NEGR1: variants seen among roughly 807,000 people sequenced by gnomAD.
The protein encoded by NEGR1 is neuronal growth regulator 1.
A neutral mutation model predicts 40.9 loss-of-function variants in NEGR1; 10 were observed. The observed-to-expected ratio is 0.24, with a 90% confidence interval of 0.15 to 0.42. The LOEUF is 0.42. NEGR1 is among the 10% of genes least tolerant of loss of function. NEGR1 has a pLI of 1.00. For synonymous variants in NEGR1, 185 were observed against 166.8 expected (o/e 1.11, Z -0.84); for missense variants, 352 against 438.9 (o/e 0.80, Z 1.77).
intron 3 of NEGR1, among the ~76,000 whole-genome samples, chr1:71,705,639 G>A (rs1354510733): frequency 1.3e-5 from 2 of 152,172 alleles, no homozygotes; most frequent in South Asian, 4.1e-4. Context: ...AAAATGGCGC[G>A]AACCCAGGAG....
chr1:71,653,243 T>C (rs536530549), intron 4 of NEGR1, among the ~76,000 whole-genome samples: 4 of 152,382 alleles, frequency 2.6e-5, no homozygotes, highest in Non-Finnish European at 5.9e-5. Context: ...CCTTTTAATC[T>C]ACAGTCTTTA....
chr1:71,728,120 T>C (rs1570266221), intron 3 of NEGR1, among the ~76,000 whole-genome samples: 1 of 152,258 alleles, frequency 6.6e-6, no homozygotes, highest in East Asian at 1.9e-4. Flanking sequence ...GTTTCTAATG[T>C]GAGCAGGCAG....
At chr1:71,685,660 C>T (rs972552955) in intron 4 of NEGR1, among the ~76,000 whole-genome samples, 3 of 152,090 alleles carry the variant, frequency 2.0e-5, no homozygotes, top group Admixed American at 6.6e-5. Flanking sequence ...ATAGAGCGTG[C>T]TTTCATTGCC....
chr1:72,149,879 C>CAAAAAAAA (rs1180110033), intron 1 of NEGR1, among the ~76,000 whole-genome samples: 24 of 39,122 alleles, frequency 6.1e-4, no homozygotes, highest in Admixed American at 1.4e-3. Context: ...AAAACTCTGT[C>CAAAAAAAA]AAAAAAAAAA....
chr1:72,269,770 T>C (rs1655781365), intron 1 of NEGR1, among the ~76,000 whole-genome samples: 1 of 151,584 alleles, frequency 6.6e-6, no homozygotes. Context: ...TCAGAATATC[T>C]ATAGTAGTTT....
At chr1:71,440,907 A>C (rs2101311768) in intron 6 of NEGR1, among the ~76,000 whole-genome samples, 1 of 152,356 alleles carries the variant, frequency 6.6e-6, no homozygotes, top group South Asian at 2.1e-4. Flanking sequence ...AAAGATTTTG[A>C]ATATTAATGC....
intron 2 of NEGR1, among the ~76,000 whole-genome samples, chr1:71,887,273 T>C (rs1297488799): frequency 6.6e-6 from 1 of 152,162 alleles, no homozygotes; most frequent in Non-Finnish European, 1.5e-5. Flanking sequence ...TCTTGCTGTC[T>C]TAGCGGTGGC....
intron 1 of NEGR1, among the ~76,000 whole-genome samples, chr1:72,186,947 C>T (rs1652634326): frequency 6.6e-6 from 1 of 151,468 alleles, no homozygotes; most frequent in African/African-American, 2.4e-5. Flanking sequence ...CTTTTCTCTC[C>T]CTTGAAAGTC....
At chr1:72,191,861 G>A (rs2821289) in intron 1 of NEGR1, among the ~76,000 whole-genome samples, 4,315 of 151,586 alleles carry the variant, frequency 0.028, 99 homozygotes, top group African/African-American at 0.055. Context: ...ACACTTGCAG[G>A]GACTTTTAGC....
At chr1:71,666,462 T>C (rs1169126150) in intron 4 of NEGR1, among the ~76,000 whole-genome samples, 3 of 150,924 alleles carry the variant, frequency 2.0e-5, no homozygotes, top group Admixed American at 6.7e-5. Flanking sequence ...AAATGAAACA[T>C]ACAAACACCC....
intron 1 of NEGR1, among the ~76,000 whole-genome samples, chr1:72,275,593 C>G (rs1419729428): frequency 4.6e-5 from 7 of 152,076 alleles, no homozygotes; most frequent in Admixed American, 4.6e-4. Flanking sequence ...AATTTAACTT[C>G]CTTCCAAATT....
At chr1:72,228,353 G>A (rs1053649459) in intron 1 of NEGR1, among the ~76,000 whole-genome samples, 2 of 152,132 alleles carry the variant, frequency 1.3e-5, no homozygotes, top group African/African-American at 4.8e-5. Context: ...ATACCTGCTT[G>A]AGCTGGATCA....
At chr1:71,432,490 G>C (rs1646476286) in intron 6 of NEGR1, among the ~76,000 whole-genome samples, 1 of 152,106 alleles carries the variant, frequency 6.6e-6, no homozygotes, top group Admixed American at 6.6e-5. Context: ...TAAAAACTGA[G>C]AGGTCAGTAG....
chr1:71,884,808 C>T (rs1025937839), intron 2 of NEGR1, among the ~76,000 whole-genome samples: 9 of 152,200 alleles, frequency 5.9e-5, no homozygotes, highest in African/African-American at 2.2e-4. Flanking sequence ...CAGTTGCCTG[C>T]TAGTTGCTTT....
intron 1 of NEGR1, among the ~76,000 whole-genome samples, chr1:71,949,039 T>C (rs923344702): frequency 6.6e-5 from 10 of 152,130 alleles, no homozygotes; most frequent in African/African-American, 2.2e-4. Context: ...ATATGGCTTC[T>C]TCAAGGATAT....
intron 6 of NEGR1, among the ~76,000 whole-genome samples, chr1:71,451,225 C>T (rs115766780): frequency 0.028 from 4,302 of 152,140 alleles, 85 homozygotes; most frequent in Non-Finnish European, 0.044. Context: ...ACTGCTTTAG[C>T]ATATTCTAAC....
At chr1:71,627,387 G>T (rs1210178145) in intron 4 of NEGR1, among the ~76,000 whole-genome samples, 1 of 151,796 alleles carries the variant, frequency 6.6e-6, no homozygotes, top group Non-Finnish European at 1.5e-5. Flanking sequence ...ATATATCTGG[G>T]CATCGGAGTT....
chr1:71,483,470 T>C (rs1435526757), intron 6 of NEGR1, among the ~76,000 whole-genome samples: 1 of 151,796 alleles, frequency 6.6e-6, no homozygotes, highest in Non-Finnish European at 1.5e-5. Flanking sequence ...GTGTGAGTAT[T>C]ACAGGTTAAG....
At chr1:71,962,823 A>G (rs568847367) in intron 1 of NEGR1, among the ~76,000 whole-genome samples, 2 of 152,020 alleles carry the variant, frequency 1.3e-5, no homozygotes, top group East Asian at 3.9e-4. Flanking sequence ...AACTGAAAAA[A>G]AAAGATGAGT....
Sources: gnomAD v4.1 joint callset for allele counts (sites outside exome capture counted in the v4.1 genomes callset) on GRCh38, gnomAD v4.1.1 for gene constraint, MANE v1.5 for transcripts, NCBI Gene and HGNC (gene_info 2026-07-23, HGNC 2026-07-21) for gene names.